The following TRABD2B variants were observed in gnomAD, a reference collection of about 807,000 sequenced individuals.
The protein encoded by TRABD2B is metalloprotease TIKI2.
In TRABD2B, 14 loss-of-function variants were observed where a neutral mutation model predicts 40.1. That is an observed-to-expected ratio of 0.35 (90% CI 0.23 to 0.55). TRABD2B has a LOEUF of 0.55. Ranked by LOEUF, TRABD2B falls within the 20% of genes least tolerant of loss-of-function variation. The pLI is 0.90. For missense variants in TRABD2B, 541 were observed against 648.6 expected (o/e 0.83, Z 1.80); for synonymous variants, 263 against 277.0 (o/e 0.95, Z 0.50).
intron 2 of TRABD2B, among the ~76,000 whole-genome samples, chr1:47,963,557 A>T (rs1192593874): frequency 6.6e-6 from 1 of 152,232 alleles, no homozygotes; most frequent in Non-Finnish European, 1.5e-5. Context: ...GAAATGGAAA[A>T]GGTAAGTCAT....
At chr1:47,918,386 C>T (rs1644857269) in intron 2 of TRABD2B, among the ~76,000 whole-genome samples, 1 of 152,178 alleles carries the variant, frequency 6.6e-6, no homozygotes. Context: ...GAGAATGTGA[C>T]CCACCCTCCG....
At position 47,766,728 on chromosome 1, in the gene TRABD2B, G is replaced by A. The variant is rs529399079; in HGVS notation, c.1350-622C>T. 1.2e-3 allele frequency among the ~76,000 whole-genome samples: 189 copies of A among 152,336 alleles called. 1 individual carries two copies. The highest frequency in any genetic ancestry group is 4.4e-3 in the African/African-American group (183 of 41,588). On this transcript the variant is annotated intron_variant, in intron 6 of 6. Coordinates refer to ENST00000606738, the MANE Select transcript of TRABD2B (RefSeq NM_001194986.2). ...TGGCTGGCGGGGAGGCTACCTGGTG[G>A]TCAGGTCCCAGAGGAAAGTGGGAGT...
In TRABD2B at chr1:47,995,907, C is replaced by A. The variant is rs114754856; in HGVS notation, c.102+781G>T. ...AATTCCGGGCTAACAGGCAGCACAC[C>A]TACAGCAGCCAGACCCTATGGTCTC... On this transcript the variant is annotated intron_variant, in intron 1 of 6. Coordinates refer to ENST00000606738, the MANE Select transcript of TRABD2B (RefSeq NM_001194986.2). Among the ~76,000 whole-genome samples, 599 of 152,316 alleles carry A rather than the reference C, an allele frequency of 3.9e-3. 3 individuals carry two copies. The highest frequency in any genetic ancestry group is 0.014 in the African/African-American group (563 of 41,564).
At chr1:47,846,688 C>G (rs576550455) in intron 2 of TRABD2B, among the ~76,000 whole-genome samples, 1 of 152,092 alleles carries the variant, frequency 6.6e-6, no homozygotes, top group African/African-American at 2.4e-5. Flanking sequence ...GTCCTGTAGA[C>G]GAAACATCTG....
At chr1:47,964,334 G>A (rs111683979) in intron 2 of TRABD2B, among the ~76,000 whole-genome samples, 2,413 of 152,224 alleles carry the variant, frequency 0.016, 65 homozygotes, top group African/African-American at 0.054. Context: ...TGTCCAACCC[G>A]CAGTTTTAGG....
intron 2 of TRABD2B, among the ~76,000 whole-genome samples, chr1:47,834,124 C>T (rs1001213081): frequency 1.3e-5 from 2 of 152,198 alleles, no homozygotes; most frequent in East Asian, 1.9e-4. Context: ...CACTGTTTGA[C>T]CCATCTGATG....
intron 2 of TRABD2B, among the ~76,000 whole-genome samples, chr1:47,839,309 C>T (rs570278101): frequency 6.6e-6 from 1 of 152,244 alleles, no homozygotes; most frequent in Non-Finnish European, 1.5e-5. Flanking sequence ...TGGCCTTTAG[C>T]TCTGTGCACA....
At chr1:47,853,831 C>T (rs1215203408) in intron 2 of TRABD2B, among the ~76,000 whole-genome samples, 3 of 152,240 alleles carry the variant, frequency 2.0e-5, no homozygotes, top group South Asian at 2.1e-4. Flanking sequence ...CTGTTTCCCA[C>T]CTCTTACTCT....
intron 2 of TRABD2B, among the ~76,000 whole-genome samples, chr1:47,899,200 G>C (rs570393039): frequency 6.6e-6 from 1 of 152,258 alleles, no homozygotes; most frequent in African/African-American, 2.4e-5. Context: ...TGTGCACAGG[G>C]CATGATCTTC....
intron 2 of TRABD2B, among the ~76,000 whole-genome samples, chr1:47,904,567 C>T (rs536535378): frequency 3.3e-5 from 5 of 152,148 alleles, no homozygotes; most frequent in Admixed American, 6.5e-5. Flanking sequence ...GGGGTGCTTG[C>T]GAAAAGCCCC....
chr1:47,927,980 G>A (rs775934602), intron 2 of TRABD2B, among the ~76,000 whole-genome samples: 6 of 152,272 alleles, frequency 3.9e-5, no homozygotes, highest in Middle Eastern at 3.4e-3. Context: ...GCATCCCCTG[G>A]AAGCTTGTCA....
intron 6 of TRABD2B, among the ~76,000 whole-genome samples, chr1:47,768,462 C>A (rs1644335218): frequency 6.6e-6 from 1 of 152,156 alleles, no homozygotes; most frequent in Non-Finnish European, 1.5e-5. Context: ...CAACACATAC[C>A]ACCCTCTCCA....
intron 2 of TRABD2B, among the ~76,000 whole-genome samples, chr1:47,897,981 A>G (rs906129972): frequency 2.0e-5 from 3 of 152,198 alleles, no homozygotes; most frequent in Admixed American, 6.5e-5. Flanking sequence ...CTTTTATCCT[A>G]TAAGAATTTT....
At chr1:47,804,209 C>T (rs1644859664) in intron 2 of TRABD2B, among the ~76,000 whole-genome samples, 1 of 152,236 alleles carries the variant, frequency 6.6e-6, no homozygotes, top group Non-Finnish European at 1.5e-5. Flanking sequence ...TGGGCCTTCT[C>T]CAGGCCTCTA....
intron 2 of TRABD2B, among the ~76,000 whole-genome samples, chr1:47,804,451 A>G (rs932645398): frequency 6.6e-6 from 1 of 151,596 alleles, no homozygotes; most frequent in Non-Finnish European, 1.5e-5. Context: ...CCGTGACTAC[A>G]CTCGGCCACT....
chr1:47,984,532 G>C (rs1013842853), intron 2 of TRABD2B, among the ~76,000 whole-genome samples: 1 of 152,228 alleles, frequency 6.6e-6, no homozygotes, highest in African/African-American at 2.4e-5. Flanking sequence ...TGGAGGTGGA[G>C]GGACACCAGC....
intron 2 of TRABD2B, among the ~76,000 whole-genome samples, chr1:47,918,073 T>A (rs551817304): frequency 6.6e-6 from 1 of 152,322 alleles, no homozygotes; most frequent in African/African-American, 2.4e-5. Flanking sequence ...AAAGAAAGCC[T>A]CCTATGTACT....
intron 2 of TRABD2B, among the ~76,000 whole-genome samples, chr1:47,863,379 T>TAC: frequency 3.7e-5 from 4 of 108,216 alleles, no homozygotes; most frequent in Admixed American, 2.0e-4. Context: ...ATTTTATATA[T>TAC]ATATATATAT....
Position 47,765,978 on chromosome 1 carries a change from G to T in TRABD2B, c.1478C>A (p.Pro493His). 1.4e-6 allele frequency: 1 copy of T among 702,374 alleles called. No individual in the cohort carries two copies. Among genetic ancestry groups the T allele is most frequent in the Non-Finnish European group, 2.6e-6 (1 of 384,650 alleles). The allele number at this position is 702,374 out of a possible 1,614,324, so 43.5% of individuals were successfully genotyped here. A position where few individuals can be genotyped will look rare whatever the true frequency, so the allele number is the denominator to read the frequency against. ...DPPGPASSSA[P>H]TLGLLPAIAT... ...GATGGCGGGGAGAAGGCCCAGGGTG[G>T]GTGCCGAGCTGCTGGCGGGCCCTGG... The change falls in exon 7 of 7, where the codon CCC (proline) becomes CAC (histidine). Residue 493 changes from proline (P) to histidine (H), a missense_variant. Physicochemically the swap from Pro to His is moderately conservative, Grantham distance 77 (BLOSUM62 -2). Transcript: ENST00000606738.
Sources: allele counts gnomAD v4.1 joint callset (sites outside exome capture counted in the v4.1 genomes callset), GRCh38; gene constraint gnomAD v4.1.1; transcripts MANE v1.5; gene names NCBI Gene and HGNC (gene_info 2026-07-23, HGNC 2026-07-21).